Variants in NRG3 observed in about 807,000 individuals in gnomAD.
NRG3 encodes neuregulin 3, also known as pro-neuregulin-3, membrane-bound isoform.
Under a neutral mutation model 66.9 loss-of-function variants are expected in NRG3, and 31 were observed. The ratio of observed to expected loss-of-function variants is 0.46; its 90% CI spans 0.35 to 0.63. The LOEUF (loss-of-function observed/expected upper bound fraction) is 0.63. Among genes scored for constraint, NRG3 ranks in the 20% least tolerant of loss-of-function variants. NRG3 has a pLI of 0.00. For missense variants in NRG3, 910 were observed against 878.9 expected, an observed-to-expected ratio of 1.04 and a Z score of -0.45; for synonymous variants, 393 against 359.4, an observed-to-expected ratio of 1.09 and a Z score of -1.06.
intron 2 of NRG3, among the ~76,000 whole-genome samples, chr10:82,446,550 C>T (rs577136370): frequency 9.2e-5 from 14 of 152,236 alleles, no homozygotes; most frequent in Non-Finnish European, 1.6e-4. Context: ...AAAACAAACA[C>T]CACATGTTCT....
intron 1 of NRG3, among the ~76,000 whole-genome samples, chr10:82,244,416 G>A (rs1210814157): frequency 6.6e-6 from 1 of 152,160 alleles, no homozygotes; most frequent in Non-Finnish European, 1.5e-5. Context: ...TAGATGTCTG[G>A]AGACCTAGGT....
chr10:82,261,155 T>C (rs891669059), intron 1 of NRG3, among the ~76,000 whole-genome samples: 4 of 152,156 alleles, frequency 2.6e-5, no homozygotes, highest in Non-Finnish European at 5.9e-5. Flanking sequence ...AATCCCCACA[T>C]GTCAAGGGAG....
At chr10:82,411,123 C>T (rs1200652333) in intron 2 of NRG3, among the ~76,000 whole-genome samples, 1 of 152,046 alleles carries the variant, frequency 6.6e-6, no homozygotes, top group African/African-American at 2.4e-5. Flanking sequence ...AGCATGTAAG[C>T]CAGGCTGGTC....
At chr10:82,545,936 G>A (rs2043882754) in intron 2 of NRG3, among the ~76,000 whole-genome samples, 1 of 150,516 alleles carries the variant, frequency 6.6e-6, no homozygotes, top group South Asian at 2.1e-4. Context: ...GACAGGCGCC[G>A]GCCACCATGC....
At chr10:82,376,436 TG>T (rs1378519108) in intron 2 of NRG3, among the ~76,000 whole-genome samples, 5 of 152,218 alleles carry the variant, frequency 3.3e-5, no homozygotes, top group African/African-American at 4.8e-5. Flanking sequence ...CGTTTATTTA[TG>T]AACACATTTA....
At chr10:82,634,292 G>T (rs960624657) in intron 2 of NRG3, among the ~76,000 whole-genome samples, 1 of 152,202 alleles carries the variant, frequency 6.6e-6, no homozygotes, top group Admixed American at 6.5e-5. Context: ...GAGTAGAAAA[G>T]GGTGAAGAAG....
At chr10:82,253,704 A>G (rs1396093125) in intron 1 of NRG3, among the ~76,000 whole-genome samples, 1 of 152,174 alleles carries the variant, frequency 6.6e-6, no homozygotes, top group African/African-American at 2.4e-5. Flanking sequence ...TAGATCCTAC[A>G]TTTTATCATT....
At chr10:82,676,885 A>G (rs2053730199) in intron 2 of NRG3, among the ~76,000 whole-genome samples, 1 of 151,502 alleles carries the variant, frequency 6.6e-6, no homozygotes, top group African/African-American at 2.4e-5. Flanking sequence ...GAGTTAACGC[A>G]TTTGTTGGGC....
chr10:82,629,291 T>G (rs2049645930), intron 2 of NRG3, among the ~76,000 whole-genome samples: 1 of 152,180 alleles, frequency 6.6e-6, no homozygotes, highest in African/African-American at 2.4e-5. Context: ...CAAATACCTA[T>G]AATGACTTAA....
At chr10:81,888,510 G>A (rs1485456200) in intron 1 of NRG3, among the ~76,000 whole-genome samples, 1 of 152,172 alleles carries the variant, frequency 6.6e-6, no homozygotes, top group East Asian at 1.9e-4. Flanking sequence ...TGAAATGTGT[G>A]ATTCCAAATG....
chr10:82,224,525 A>ACC (rs2076083225), intron 1 of NRG3, among the ~76,000 whole-genome samples: 1 of 152,194 alleles, frequency 6.6e-6, no homozygotes, highest in South Asian at 2.1e-4. Context: ...CTTCTGACAA[A>ACC]CCCAGCACAA....
chr10:82,927,615 T>C (rs554878302), intron 4 of NRG3, among the ~76,000 whole-genome samples: 4 of 152,326 alleles, frequency 2.6e-5, no homozygotes, highest in Admixed American at 2.0e-4. Context: ...GTTCCTGTAT[T>C]AGTTTGCTGA....
At chr10:82,210,185 G>C (rs955997883) in intron 1 of NRG3, among the ~76,000 whole-genome samples, 23 of 152,116 alleles carry the variant, frequency 1.5e-4, no homozygotes, top group Non-Finnish European at 1.5e-5. Context: ...CAAGTATAAA[G>C]ACTTTACAGA....
intron 2 of NRG3, among the ~76,000 whole-genome samples, chr10:82,717,267 A>C (rs1201364073): frequency 6.6e-6 from 1 of 152,130 alleles, no homozygotes; most frequent in East Asian, 1.9e-4. Context: ...TTATAGTGAA[A>C]AGTGATCATG....
intron 1 of NRG3, among the ~76,000 whole-genome samples, chr10:82,118,190 A>C (rs2067848145): frequency 6.6e-6 from 1 of 150,710 alleles, no homozygotes; most frequent in Non-Finnish European, 1.5e-5. Flanking sequence ...GTAAGGCCAG[A>C]GTGATTAGGC....
At chr10:82,709,085 A>G (rs2056494088) in intron 2 of NRG3, among the ~76,000 whole-genome samples, 1 of 152,092 alleles carries the variant, frequency 6.6e-6, no homozygotes, top group Non-Finnish European at 1.5e-5. Context: ...TCTTCTCCCT[A>G]TACCTTTAGG....
chr10:81,989,011 C>G (rs1458718245), intron 1 of NRG3, among the ~76,000 whole-genome samples: 1 of 151,776 alleles, frequency 6.6e-6, no homozygotes, highest in Non-Finnish European at 1.5e-5. Context: ...GTGGAATGGA[C>G]TAGGGTGGTT....
At chr10:82,867,612 A>G (rs897083545) in intron 4 of NRG3, among the ~76,000 whole-genome samples, 10 of 152,220 alleles carry the variant, frequency 6.6e-5, no homozygotes, top group African/African-American at 2.4e-4. Context: ...CTCTTGAGAC[A>G]GGTAGAGGAA....
At chr10:82,213,819 CA>C (rs1413982016) in intron 1 of NRG3, among the ~76,000 whole-genome samples, 2 of 152,090 alleles carry the variant, frequency 1.3e-5, no homozygotes, top group African/African-American at 4.8e-5. Context: ...AATATGTTTT[CA>C]AAGCAAGTTT....
Sources: gnomAD v4.1 joint callset for allele counts (sites outside exome capture counted in the v4.1 genomes callset) on GRCh38, gnomAD v4.1.1 for gene constraint, MANE v1.5 for transcripts, NCBI Gene and HGNC (gene_info 2026-07-23, HGNC 2026-07-21) for gene names.